The following YES1 variants were observed in gnomAD, a reference collection of about 807,000 sequenced individuals.
YES1 encodes YES proto-oncogene 1, Src family tyrosine kinase.
YES1 carries 39 observed loss-of-function variants against 70.4 expected under a neutral mutation model. The observed-to-expected ratio is 0.55, with a 90% CI of 0.43 to 0.72. The LOEUF (loss-of-function observed/expected upper bound fraction) is 0.72. Among genes scored for constraint, YES1 ranks in the 30% least tolerant of loss-of-function variants. YES1 has a pLI of 0.00. For synonymous variants in YES1, 198 were observed against 218.6 expected (o/e 0.91, Z 0.83); for missense variants, 495 against 644.8 (o/e 0.77, Z 2.52).
At chr18:779,945 C>G (rs1905573126) in intron 1 of YES1, among the ~76,000 whole-genome samples, 1 of 147,680 alleles carries the variant, frequency 6.8e-6, no homozygotes, top group African/African-American at 2.5e-5. Context: ...TTAAGAGAGA[C>G]TAAAGAGGCT....
intron 11 of YES1, among the ~76,000 whole-genome samples, chr18:725,538 CAATACTT>C (rs1231049577): frequency 6.6e-6 from 1 of 152,054 alleles, no homozygotes; most frequent in Non-Finnish European, 1.5e-5. Flanking sequence ...CTTTGAAACT[CAATACTT>C]AAAAGGAAGT....
At chr18:782,231 C>T (rs565389883) in intron 1 of YES1, among the ~76,000 whole-genome samples, 40 of 152,286 alleles carry the variant, frequency 2.6e-4, no homozygotes, top group African/African-American at 8.9e-4. Context: ...ATGGCCTTTT[C>T]GGCTCTTCAT....
chr18:725,198 T>C (rs2080003124), intron 11 of YES1, among the ~76,000 whole-genome samples: 1 of 151,956 alleles, frequency 6.6e-6, no homozygotes, highest in Non-Finnish European at 1.5e-5. Context: ...AACCCCCTGA[T>C]CAGCAGTTCA....
intron 1 of YES1, among the ~76,000 whole-genome samples, chr18:800,460 T>TA (rs1465832612): frequency 6.6e-6 from 1 of 152,186 alleles, no homozygotes; most frequent in African/African-American, 2.4e-5. Context: ...AATAAACTGT[T>TA]AGAGTTAACA....
intron 2 of YES1, among the ~76,000 whole-genome samples, chr18:755,697 C>G (rs916798296): frequency 1.3e-5 from 2 of 152,060 alleles, no homozygotes; most frequent in Non-Finnish European, 2.9e-5. Context: ...GCTGTTTTGC[C>G]AAGCCTAAGG....
chr18:764,128 A>G (rs1029184200), intron 1 of YES1, among the ~76,000 whole-genome samples: 3 of 152,060 alleles, frequency 2.0e-5, no homozygotes, highest in Non-Finnish European at 2.9e-5. Context: ...TCAAAAAAAA[A>G]AAAAAAGAAA....
intron 4 of YES1, among the ~76,000 whole-genome samples, chr18:746,625 AC>A (rs2080284267): frequency 6.6e-6 from 1 of 152,248 alleles, no homozygotes; most frequent in Non-Finnish European, 1.5e-5. Context: ...GAGACACATT[AC>A]AAATCATTAA....
At chr18:767,376 C>T (rs1051294433) in intron 1 of YES1, among the ~76,000 whole-genome samples, 8 of 152,090 alleles carry the variant, frequency 5.3e-5, no homozygotes, top group Admixed American at 4.6e-4. Context: ...TTCTGGAACT[C>T]GTGAGCTCAA....
chr18:766,733 G>A (rs1159084932), intron 1 of YES1, among the ~76,000 whole-genome samples: 1 of 152,020 alleles, frequency 6.6e-6, no homozygotes, highest in Non-Finnish European at 1.5e-5. Context: ...TGACGTGACT[G>A]TTCAAATCAG....
rs2079952896 is a variant in YES1 at position 721,638 on chromosome 18, AGT to A, written c.*2784_*2785del. ...ATAAAGGATTGATTAAATTCTGCTC[AGT>A]AGTTACAAGTAACTGAACATTTTTT... is the stretch of plus-strand genomic sequence containing the variant. On this transcript the variant is annotated 3_prime_UTR_variant, in exon 12 of 12. Coordinates refer to ENST00000314574, the MANE Select transcript of YES1 (RefSeq NM_005433.4). The A allele has an allele frequency of 2.0e-5, 3 of 152,212 alleles. No homozygotes were observed. Among genetic ancestry groups the A allele is most frequent in the Non-Finnish European group, 4.4e-5 (3 of 68,026 alleles). 9.4% of individuals were successfully genotyped at this position (152,212 alleles called of 1,614,324 possible). A position where few individuals can be genotyped will look rare whatever the true frequency, so the allele number is the denominator to read the frequency against.
chr18:724,730 A>G, intron 11 of YES1, 98 bp from the exon 12 acceptor site: 1 of 867,856 alleles, frequency 1.2e-6, no homozygotes, highest in Non-Finnish European at 1.8e-6. Flanking sequence ...AAAGTATATT[A>G]TTTAGTGAAA....
At chr18:784,483 T>C (rs990610629) in intron 1 of YES1, among the ~76,000 whole-genome samples, 2 of 152,238 alleles carry the variant, frequency 1.3e-5, no homozygotes, top group Admixed American at 1.3e-4. Flanking sequence ...CTACAACAAA[T>C]TACCACAAAT....
rs755352673 is a variant in YES1, at chr18:758,796, A to G, written c.-8-1961T>C. Among the ~76,000 whole-genome samples, 18 of 152,268 alleles carry G rather than the reference A, an allele frequency of 1.2e-4. 1 individual carries two copies. The highest frequency in any genetic ancestry group is 1.0e-3 in the South Asian group (5 of 4,820). Reference sequence around the variant, plus strand: ...ATTAATGGCAATACACTCCTTCAAAACAAGAGTTGTGCTTTACTCATCGCT... The same window carrying G: ...ATTAATGGCAATACACTCCTTCAAAGCAAGAGTTGTGCTTTACTCATCGCT... On this transcript the variant is annotated intron_variant, in intron 1 of 11. Coordinates refer to ENST00000314574, the MANE Select transcript of YES1 (RefSeq NM_005433.4).
intron 1 of YES1, among the ~76,000 whole-genome samples, chr18:811,186 A>G (rs1482147003): frequency 6.6e-6 from 1 of 152,240 alleles, no homozygotes; most frequent in African/African-American, 2.4e-5. Context: ...CGTGGAACGT[A>G]TATACATAAT....
chr18:793,545 C>T (rs1288205955), intron 1 of YES1, among the ~76,000 whole-genome samples: 3 of 152,080 alleles, frequency 2.0e-5, no homozygotes, highest in South Asian at 4.2e-4. Context: ...CTAAATTGCT[C>T]AGGCTGGTCT....
Position 724,276 on chromosome 18 carries a change from G to C in YES1, c.*148C>G. 1.4e-6 allele frequency: 1 copy of C among 712,752 alleles called. No individual in the cohort carries two copies. 44.2% of individuals were successfully genotyped at this position (712,752 alleles called of 1,614,324 possible). On this transcript the variant is annotated 3_prime_UTR_variant, in exon 12 of 12. Transcript: ENST00000314574. The stretch of plus-strand genomic sequence containing the variant: ...GAGTTTAATACTTGGGGAAAAAAAA[G>C]TGGTTTTGTGCAACCATATCTGGGA...
chr18:777,410 A>C (rs1369836981), intron 1 of YES1, among the ~76,000 whole-genome samples: 1 of 152,226 alleles, frequency 6.6e-6, no homozygotes, highest in Non-Finnish European at 1.5e-5. Context: ...CCTAACAAAA[A>C]TTCTAGAAAT....
chr18:733,399 T>C (rs62091712), intron 10 of YES1, among the ~76,000 whole-genome samples: 18,099 of 152,204 alleles, frequency 0.12, 1,211 homozygotes, highest in East Asian at 0.27. Context: ...TTTATTGTAC[T>C]ACTTTTAAAA....
intron 1 of YES1, among the ~76,000 whole-genome samples, chr18:795,298 C>G (rs1478077106): frequency 1.3e-5 from 2 of 152,118 alleles, no homozygotes; most frequent in African/African-American, 2.4e-5. Flanking sequence ...TTGCAATTAA[C>G]TTTCAAATGG....
Sources: allele counts gnomAD v4.1 joint callset (sites outside exome capture counted in the v4.1 genomes callset), GRCh38; gene constraint gnomAD v4.1.1; transcripts MANE v1.5; gene names NCBI Gene and HGNC (gene_info 2026-07-23, HGNC 2026-07-21).